SNX29: variants seen among roughly 807,000 people sequenced by gnomAD.
The protein encoded by SNX29 is sorting nexin-29.
SNX29 carries 78 observed loss-of-function variants against 102.1 expected under a neutral mutation model. The observed-to-expected ratio is 0.76, with a 90% CI of 0.64 to 0.92. The LOEUF is 0.92. Among genes scored for constraint, SNX29 ranks in the 40% least tolerant of loss-of-function variants. The pLI is 0.00. For synonymous variants in SNX29, 580 were observed against 414.5 expected (o/e 1.40, Z -4.85); for missense variants, 1,280 against 1,061.7 (o/e 1.21, Z -2.86).
intron 15 of SNX29, among the ~76,000 whole-genome samples, chr16:12,316,543 A>G (rs530917327): frequency 5.3e-5 from 8 of 152,200 alleles, no homozygotes; most frequent in African/African-American, 1.9e-4. Context: ...ACTCCATTTC[A>G]AAAAACAACA....
intron 11 of SNX29, chr16:12,086,863 G>A (rs998720384): frequency 5.3e-5 from 8 of 152,112 alleles, no homozygotes; most frequent in African/African-American, 1.7e-4. Context: ...GGGACCAGGA[G>A]GTACAAATAG....
At chr16:12,088,533 A>T (rs2052331913) in intron 11 of SNX29, among the ~76,000 whole-genome samples, 1 of 152,226 alleles carries the variant, frequency 6.6e-6, no homozygotes, top group Non-Finnish European at 1.5e-5. Flanking sequence ...TGAAAATGGC[A>T]GAGGAATGGC....
intron 15 of SNX29, among the ~76,000 whole-genome samples, chr16:12,294,973 C>T (rs762598699): frequency 2.6e-5 from 4 of 152,044 alleles, no homozygotes; most frequent in Non-Finnish European, 5.9e-5. Context: ...GTGAAAGACA[C>T]GTCTTACATG....
At chr16:12,094,776 C>T (rs936362581) in intron 11 of SNX29, among the ~76,000 whole-genome samples, 1 of 152,140 alleles carries the variant, frequency 6.6e-6, no homozygotes, top group African/African-American at 2.4e-5. Context: ...ACAGCATTAT[C>T]TAGTCCCAAA....
chr16:12,058,861 A>C (rs55823226), intron 8 of SNX29, among the ~76,000 whole-genome samples: 215 of 137,540 alleles, frequency 1.6e-3, no homozygotes, highest in Middle Eastern at 4.2e-3. Flanking sequence ...GTATGATCTC[A>C]GCTCACTGCA....
At chr16:12,097,333 C>T (rs911189467) in intron 11 of SNX29, among the ~76,000 whole-genome samples, 1 of 152,160 alleles carries the variant, frequency 6.6e-6, no homozygotes, top group African/African-American at 2.4e-5. Context: ...GCTCTTACTC[C>T]GGGAAGAATA....
At chr16:12,542,345 C>G (rs975959928) in intron 20 of SNX29, among the ~76,000 whole-genome samples, 2 of 152,178 alleles carry the variant, frequency 1.3e-5, no homozygotes, top group African/African-American at 4.8e-5. Flanking sequence ...GAGATTGTCT[C>G]AAAAGAAAAA....
At chr16:12,475,445 G>C (rs2087546470) in intron 18 of SNX29, among the ~76,000 whole-genome samples, 3 of 152,198 alleles carry the variant, frequency 2.0e-5, no homozygotes, top group African/African-American at 7.2e-5. Context: ...TTTGCAGGCT[G>C]TATGGTCTAT....
At chr16:12,386,300 A>G (rs9923095) in intron 16 of SNX29, among the ~76,000 whole-genome samples, 48,182 of 152,174 alleles carry the variant, frequency 0.32, 13,478 homozygotes, top group African/African-American at 0.76. Flanking sequence ...AGCCCTGGTG[A>G]TTCAGGCACT....
At chr16:12,324,209 G>A (rs2081047047) in intron 15 of SNX29, among the ~76,000 whole-genome samples, 1 of 151,898 alleles carries the variant, frequency 6.6e-6, no homozygotes, top group Non-Finnish European at 1.5e-5. Flanking sequence ...ATTGAGGACA[G>A]CATCCTTGGA....
intron 18 of SNX29, among the ~76,000 whole-genome samples, chr16:12,475,854 C>G (rs986829690): frequency 1.3e-5 from 2 of 152,146 alleles, no homozygotes; most frequent in Admixed American, 6.5e-5. Flanking sequence ...TCAAAAGCGG[C>G]CAAAACAAAT....
At chr16:12,040,926 G>T (rs893238935) in intron 4 of SNX29, among the ~76,000 whole-genome samples, 4 of 152,198 alleles carry the variant, frequency 2.6e-5, no homozygotes, top group Non-Finnish European at 5.9e-5. Context: ...CGATTCTCCT[G>T]CCTCAGCCTC....
At chr16:12,408,548 C>T (rs2084267121) in intron 18 of SNX29, among the ~76,000 whole-genome samples, 1 of 152,244 alleles carries the variant, frequency 6.6e-6, no homozygotes, top group African/African-American at 2.4e-5. Flanking sequence ...CGGCCAGGTG[C>T]AGTGGCCCAT....
chr16:12,547,421 G>A (rs1304139702), intron 20 of SNX29, among the ~76,000 whole-genome samples: 1 of 152,146 alleles, frequency 6.6e-6, no homozygotes, highest in Non-Finnish European at 1.5e-5. Context: ...GGGACCATGT[G>A]GGCACCCCGG....
At chr16:12,540,465 C>T (rs564743148) in intron 20 of SNX29, among the ~76,000 whole-genome samples, 2 of 152,236 alleles carry the variant, frequency 1.3e-5, no homozygotes, top group Non-Finnish European at 2.9e-5. Context: ...ATCCGTCTTA[C>T]TAGGCTACAG....
Position 12,452,807 on chromosome 16 carries a change from C to T in SNX29, c.2038-24912C>T, listed in dbSNP as rs144092060. Among the ~76,000 whole-genome samples the T allele has an allele frequency of 9.2e-5, 14 of 152,196 alleles. No individual in the cohort carries two copies. The East Asian group carries it at 2.7e-3, about 29-fold the overall frequency. ...GGTGCTGTGGGACAGGAACTGTCAC[C>T]TCTGCTCCGACATGAGATCACAGGT... On this transcript the variant is annotated intron_variant, in intron 18 of 20. Transcript: ENST00000566228.
At chr16:12,288,177 C>G (rs1447333224) in intron 15 of SNX29, among the ~76,000 whole-genome samples, 1 of 152,250 alleles carries the variant, frequency 6.6e-6, no homozygotes, top group Admixed American at 6.5e-5. Context: ...AGGCGGGACT[C>G]AGACACTGGA....
At chr16:12,305,652 A>G (rs2080314934) in intron 15 of SNX29, among the ~76,000 whole-genome samples, 1 of 152,244 alleles carries the variant, frequency 6.6e-6, no homozygotes, top group Non-Finnish European at 1.5e-5. Context: ...ATTATTTATC[A>G]TGATTACTGA....
At chr16:12,396,428 G>A (rs908942948) in intron 16 of SNX29, among the ~76,000 whole-genome samples, 2 of 152,180 alleles carry the variant, frequency 1.3e-5, no homozygotes, top group African/African-American at 4.8e-5. Flanking sequence ...TGGCGATTGT[G>A]TGTAGCAGTG....
Sources: gnomAD v4.1 joint callset for allele counts (sites outside exome capture counted in the v4.1 genomes callset) on GRCh38, gnomAD v4.1.1 for gene constraint, MANE v1.5 for transcripts, NCBI Gene and HGNC (gene_info 2026-07-23, HGNC 2026-07-21) for gene names.